CLCA4: variants seen among roughly 807,000 people sequenced by gnomAD.
The protein encoded by CLCA4 is calcium-activated chloride channel regulator 4.
Under a neutral mutation model 78.9 loss-of-function variants are expected in CLCA4, and 69 were observed. That is an observed-to-expected ratio of 0.87 (90% CI 0.72 to 1.07). CLCA4 has a LOEUF of 1.07. Ranked by LOEUF, CLCA4 falls within the 50% of genes least tolerant of loss-of-function variation. The pLI, the probability that CLCA4 is intolerant of heterozygous loss-of-function variation, is 0.00. For synonymous variants in CLCA4, 362 were observed against 375.8 expected, an observed-to-expected ratio of 0.96 and a Z score of 0.42; for missense variants, 1,133 against 1,095.8, an observed-to-expected ratio of 1.03 and a Z score of -0.48.
intron 7 of CLCA4, 36 bp from the exon 8 acceptor site, chr1:86,571,041 A>C: frequency 6.6e-7 from 1 of 1,506,410 alleles, no homozygotes; most frequent in Non-Finnish European, 9.1e-7. Context: ...ATCTAGGAAC[A>C]TCTGTTGGTA....
In CLCA4 at chr1:86,574,650, G is replaced by A; in HGVS notation, c.1578G>A (p.Leu526=). The part of the protein sequence containing the change: ...DTFFLITWNS[L]PPSISLWDPS... ...TCTTTCTCATCACATGGAACAGTCT[G>A]CCTCCCAGTATTTCTCTCTGGGATC... The change falls in exon 10 of 14, where the codon CTG becomes CTA. Residue 526 remains leucine, a synonymous_variant. Transcript: ENST00000370563. 6.2e-7 allele frequency: 1 copy of A among 1,613,202 alleles called. No individual in the cohort carries two copies. The highest frequency in any genetic ancestry group is 8.5e-7 in the Non-Finnish European group (1 of 1,179,462).
In CLCA4 at chr1:86,574,688, T is replaced by C; in HGVS notation, c.1616T>C (p.Ile539Thr). Residue 539 changes from isoleucine (I) to threonine (T), a missense_variant, in exon 10 of 14, where the codon ATA becomes ACA. By Grantham distance (89) the Ile-to-Thr change is moderately conservative. Transcript: ENST00000370563. ...TCTCTCTGGGATCCCAGTGGAACAA[T>C]AATGGAAAATTTCACAGTGGATGCA... ...SISLWDPSGT[I>T]MENFTVDATS... The C allele has an allele frequency of 1.2e-6, 2 of 1,613,296 alleles. No individual in the cohort carries two copies. The highest frequency in any genetic ancestry group is 1.7e-6 in the Non-Finnish European group (2 of 1,179,556).
In CLCA4 at chr1:86,565,299, A is replaced by G; in HGVS notation, c.583A>G (p.Asn195Asp). 2 of 1,602,146 alleles carry G rather than the reference A, an allele frequency of 1.2e-6. No individual in the cohort carries two copies. The highest frequency in any genetic ancestry group is 2.3e-5 in the South Asian group (2 of 88,536). Reference protein sequence around the residue: ...TRCSAGISGRNRVYKCQGGSC... With the variant: ...TRCSAGISGRDRVYKCQGGSC... Reference sequence around the variant, plus strand: ...GTGTTCCGCAGGTATCTCTGGTAGAAATAGAGTTTATAAGTGTCAAGGAGG... The same window carrying G: ...GTGTTCCGCAGGTATCTCTGGTAGAGATAGAGTTTATAAGTGTCAAGGAGG... The change falls in exon 5 of 14, where the codon AAT becomes GAT. Residue 195 changes from asparagine (N) to aspartate (D), a missense_variant. Coordinates refer to ENST00000370563, the MANE Select transcript of CLCA4 (RefSeq NM_012128.4).
intron 4 of CLCA4, among the ~76,000 whole-genome samples, chr1:86,564,978 A>G (rs1457941951): frequency 6.6e-6 from 1 of 152,090 alleles, no homozygotes; most frequent in Admixed American, 6.5e-5. Context: ...TTACCACCAA[A>G]AGTCCAGCAG....
intron 1 of CLCA4, among the ~76,000 whole-genome samples, chr1:86,548,074 T>C (rs897078513): frequency 5.9e-5 from 9 of 152,184 alleles, no homozygotes; most frequent in Non-Finnish European, 1.2e-4. Flanking sequence ...CAATGGTATA[T>C]AATAGGTCTC....
chr1:86,554,340 C>T (rs888648412), intron 1 of CLCA4, among the ~76,000 whole-genome samples: 4 of 152,164 alleles, frequency 2.6e-5, no homozygotes, highest in Admixed American at 2.0e-4. Context: ...TTTTTTATGG[C>T]TGTGTAGTAT....
chr1:86,566,554 A>G (rs939809451), intron 6 of CLCA4, among the ~76,000 whole-genome samples: 9 of 152,060 alleles, frequency 5.9e-5, no homozygotes, highest in African/African-American at 2.2e-4. Context: ...ATGCTGAAGA[A>G]CAGGAATAAG....
At chr1:86,554,514 C>A (rs940145530) in intron 1 of CLCA4, among the ~76,000 whole-genome samples, 1 of 152,100 alleles carries the variant, frequency 6.6e-6, no homozygotes, top group East Asian at 1.9e-4. Flanking sequence ...ATCTGCCCAC[C>A]GCGGCCTCCC....
At position 86,559,988 on chromosome 1, in the gene CLCA4, T is replaced by A. The variant is rs1649964918; in HGVS notation, c.216T>A (p.Phe72Leu). ...YLFEATEKRF[F>L]FKNVSILIPE... is the part of the protein sequence containing the mutation. ...TTGAAGCCACAGAAAAAAGATTTTTTTTCAAAAATGTATCTATATTAATTC... is the reference window on the plus strand; with the variant it reads ...TTGAAGCCACAGAAAAAAGATTTTTATTCAAAAATGTATCTATATTAATTC... Residue 72 changes from phenylalanine to leucine, a missense_variant, in exon 2 of 14, where the codon TTT becomes TTA. Transcript: ENST00000370563. The A allele has an allele frequency of 6.2e-7, 1 of 1,608,896 alleles. No individual in the cohort carries two copies. The highest frequency in any genetic ancestry group is 8.5e-7 in the Non-Finnish European group (1 of 1,177,784).
intron 12 of CLCA4, among the ~76,000 whole-genome samples, chr1:86,579,092 C>T (rs1650621582): frequency 1.3e-5 from 2 of 151,974 alleles, no homozygotes; most frequent in African/African-American, 4.8e-5. Context: ...TTTAAAAAGG[C>T]ACACATTGAA....
rs200146263 is a variant in CLCA4 at position 86,572,769 on chromosome 1, A to G, written c.1467+49A>G. 3.9e-4 allele frequency: 423 copies of G among 1,082,802 alleles called. 1 individual carries two copies. Among genetic ancestry groups the G allele is most frequent in the Non-Finnish European group, 4.9e-4 (340 of 695,610 alleles). 67.1% of individuals were successfully genotyped at this position (1,082,802 alleles called of 1,614,324 possible). ...TTTCATGTTCACTTTTGCCACAAGA[A>G]AAAACCATTTGGTGGTTATAAGTTT... On this transcript the variant is annotated intron_variant, in intron 9 of 13. Transcript: ENST00000370563.
At chr1:86,567,729 C>T in intron 7 of CLCA4, 78 bp downstream of exon 7, 13 of 1,119,330 alleles carry the variant, frequency 1.2e-5, no homozygotes, top group Middle Eastern at 2.0e-4. Context: ...ACTGCACATG[C>T]TTGCTTGCTG....
intron 8 of CLCA4, 46 bp from the exon 9 acceptor site, chr1:86,572,568 T>C (rs1338364055): frequency 6.5e-6 from 7 of 1,077,912 alleles, no homozygotes; most frequent in Non-Finnish European, 2.9e-6. Context: ...AAAATATATG[T>C]ACTTATTTTC....
intron 3 of CLCA4, among the ~76,000 whole-genome samples, chr1:86,562,389 C>G (rs945486669): frequency 2.0e-5 from 3 of 152,110 alleles, no homozygotes; most frequent in African/African-American, 7.2e-5. Flanking sequence ...AAACCTGAAA[C>G]CAGTGTTTTT....
intron 5 of CLCA4, 92 bp from the exon 6 acceptor site, chr1:86,565,710 T>C: frequency 1.4e-6 from 1 of 737,704 alleles, no homozygotes; most frequent in South Asian, 2.4e-5. Flanking sequence ...AAACAACATA[T>C]CTGCAGAAGA....
chr1:86,576,486 C>T (rs1650526459), intron 11 of CLCA4, among the ~76,000 whole-genome samples: 1 of 152,024 alleles, frequency 6.6e-6, no homozygotes, highest in South Asian at 2.1e-4. Context: ...CCTGGCCATA[C>T]ATGTAATTTT....
In CLCA4 at chr1:86,578,087, A is replaced by C; in HGVS notation, c.2122+15A>C. The C allele has an allele frequency of 6.2e-7, 1 of 1,600,530 alleles. No homozygotes were observed. On this transcript the variant is annotated intron_variant, in intron 12 of 13. Transcript: ENST00000370563. ...GGTAGTGAACGGTGAGTAACTCATG[A>C]TATTTATAATCCAGTGATAGTTTGA...
In CLCA4 at chr1:86,560,332, A is replaced by G. The variant is rs772366763; in HGVS notation, c.422A>G (p.Lys141Arg). 3.7e-6 allele frequency: 6 copies of G among 1,613,942 alleles called. No individual in the cohort carries two copies. The highest frequency in any genetic ancestry group is 5.1e-6 in the Non-Finnish European group (6 of 1,179,912). ...IHFTPDLLLG[K>R]KQNEYGPPGK... ...TTCACCCCTGACCTTCTACTTGGAA[A>G]AAAACAAAATGAATATGGACCACCA... Residue 141 changes from lysine to arginine, a missense_variant, in exon 3 of 14, where the codon AAA becomes AGA. Coordinates refer to ENST00000370563, the MANE Select transcript of CLCA4 (RefSeq NM_012128.4).
chr1:86,555,525 T>C (rs914993044), intron 1 of CLCA4, among the ~76,000 whole-genome samples: 2 of 152,192 alleles, frequency 1.3e-5, no homozygotes, highest in Admixed American at 1.3e-4. Flanking sequence ...TGCAGCCTTA[T>C]TTCTGGGCTC....
Sources: gnomAD v4.1 joint callset for allele counts (sites outside exome capture counted in the v4.1 genomes callset) on GRCh38, gnomAD v4.1.1 for gene constraint, MANE v1.5 for transcripts, NCBI Gene and HGNC (gene_info 2026-07-23, HGNC 2026-07-21) for gene names.